DUOX2: variants seen among roughly 807,000 people sequenced by gnomAD.
DUOX2 encodes the protein NADH/NADPH thyroid oxidase p138-tox.
A neutral mutation model predicts 183.3 loss-of-function variants in DUOX2; 185 were observed. That is an observed-to-expected ratio of 1.01 (90% CI 0.90 to 1.14). The LOEUF is 1.14. DUOX2 is among the 50% of genes most tolerant of loss of function. The pLI, the probability that DUOX2 is intolerant of heterozygous loss-of-function variation, is 0.00. For missense variants in DUOX2, 1,999 were observed against 2,022.9 expected (o/e 0.99, Z 0.23); for synonymous variants, 788 against 812.4 (o/e 0.97, Z 0.51).
chr15:45,106,746 T>C, intron 15 of DUOX2, 86 bp downstream of exon 15: 1 of 1,606,958 alleles, frequency 6.2e-7, no homozygotes, highest in Non-Finnish European at 8.5e-7. Flanking sequence ...GAGCCTGGTC[T>C]CAAACGGTAC....
chr15:45,097,092 AC>A, intron 29 of DUOX2, 145 bp downstream of exon 29: 3 of 1,214,200 alleles, frequency 2.5e-6, no homozygotes, highest in Non-Finnish European at 3.5e-6. Flanking sequence ...ACCTTCAGGA[AC>A]CCCCGAGAGT....
chr15:45,112,540 C>T lies in DUOX2; in HGVS notation c.325+14G>A. 1.2e-6 allele frequency: 2 copies of T among 1,612,164 alleles called. No individual in the cohort carries two copies. The highest frequency in any genetic ancestry group is 1.7e-6 in the Non-Finnish European group (2 of 1,179,380). ...CGCCAGATCAACCCCACTGGTCTCC[C>T]CCTTTGCCCTCACCAAAGAAGACCC... On this transcript the variant is annotated intron_variant, in intron 4 of 33. Transcript: ENST00000389039.
intron 30 of DUOX2, 104 bp downstream of exon 30, chr15:45,095,724 G>T: frequency 6.5e-7 from 1 of 1,538,510 alleles, no homozygotes; most frequent in Non-Finnish European, 8.9e-7. Flanking sequence ...TCCTCTCCCA[G>T]GCTGGCTTTG....
rs1894231348 is a variant in DUOX2 at position 45,106,848 on chromosome 15, GA to G, written c.1814del (p.Leu605ProfsTer6). 3 of 1,593,678 alleles carry G rather than the reference GA, an allele frequency of 1.9e-6. No homozygotes were observed. The highest frequency in any genetic ancestry group is 1.3e-5 in the African/African-American group (1 of 74,856). On this transcript the variant is annotated frameshift_variant, in exon 15 of 34. Coordinates refer to ENST00000389039, the MANE Select transcript of DUOX2 (RefSeq NM_001363711.2). LOFTEE classifies it high-confidence loss of function. ...SPGFAITIIA[L>X]CCLPLVSLLL... Reference sequence around the variant, plus strand: ...AGAGCTCACCTAAGGGAAGGCAGCAGAGAGCAATGATGGTGATGGCAAAACC... The same window carrying G: ...AGAGCTCACCTAAGGGAAGGCAGCAGGAGCAATGATGGTGATGGCAAAACC...
Position 45,111,424 on chromosome 15 carries a change from G to A in DUOX2, c.675C>T (p.Pro225=), listed in dbSNP as rs1269447434. 2 of 1,508,146 alleles carry A rather than the reference G, an allele frequency of 1.3e-6. No homozygotes were observed. Among genetic ancestry groups the A allele is most frequent in the Admixed American group, 2.2e-5 (1 of 46,308 alleles). The allele number at this position is 1,508,146 out of a possible 1,614,324, so 93.4% of individuals were successfully genotyped here. ...GCCCGTTCTGCCCGGTGGCGGGGTC[G>A]GGCGCCGCCCACATGAGCAGGGGGT... ...SQNPLLMWAA[P]DPATGQNGPR... The change falls in exon 6 of 34, where the codon CCC becomes CCT. Residue 225 remains proline, a synonymous_variant. Transcript: ENST00000389039.
At chr15:45,109,375 A>T in intron 11 of DUOX2, 149 bp downstream of exon 11, 10 of 687,064 alleles carry the variant, frequency 1.5e-5, no homozygotes, top group Non-Finnish European at 2.5e-5. Context: ...AAAAGTTCAA[A>T]GTTCATTTTC....
rs1191456599 is a variant in DUOX2 at position 45,111,756 on chromosome 15, T to C, written c.513+12A>G. ...GGGGTGCGGTCCCTTCCCGCCGCCTTCCCCGCCTCACCAGGTCCCGGGGGT... is the reference window on the plus strand; with the variant it reads ...GGGGTGCGGTCCCTTCCCGCCGCCTCCCCCGCCTCACCAGGTCCCGGGGGT... On this transcript the variant is annotated intron_variant, in intron 5 of 33. Transcript: ENST00000389039. 6.4e-6 allele frequency: 10 copies of C among 1,571,248 alleles called. No individual in the cohort carries two copies. Among genetic ancestry groups the C allele is most frequent in the Non-Finnish European group, 8.6e-6 (10 of 1,159,026 alleles).
At chr15:45,105,950 G>T (rs376566402) in intron 17 of DUOX2, 122 bp from the exon 18 acceptor site, 43 of 1,443,852 alleles carry the variant, frequency 3.0e-5, no homozygotes, top group East Asian at 1.5e-4. Flanking sequence ...TCCAGGCTGG[G>T]GCCAGGTGTG....
rs747658110 is a variant in DUOX2, at chr15:45,106,203, C to T, written c.2070G>A (p.Leu690=). Residue 690 remains leucine, a synonymous_variant, in exon 17 of 34, where the codon CTG becomes CTA. Transcript: ENST00000389039. ...TGGACAGGATGAGGTTGACCTGCTGCAGAGGCTGCAGCTGGACCACACGGA... is the reference window on the plus strand; with the variant it reads ...TGGACAGGATGAGGTTGACCTGCTGTAGAGGCTGCAGCTGGACCACACGGA... ...TVLRVVQLQP[L]QQVNLILSNN... 2.5e-6 allele frequency: 4 copies of T among 1,614,062 alleles called. No individual in the cohort carries two copies. The African/African-American group carries it at 4.0e-5, about 16-fold the overall frequency.
intron 11 of DUOX2, 66 bp downstream of exon 11, chr15:45,109,458 T>C: frequency 6.9e-7 from 1 of 1,449,530 alleles, no homozygotes; most frequent in Non-Finnish European, 9.7e-7. Flanking sequence ...CTGCTATTGA[T>C]GAACCCAGAG....
chr15:45,099,736 AG>A lies in DUOX2; in HGVS notation c.3340del (p.Leu1114SerfsTer56), dbSNP rs748194265. 6 of 1,614,094 alleles carry A rather than the reference AG, an allele frequency of 3.7e-6. No individual in the cohort carries two copies. The East Asian group carries it at 1.3e-4, about 36-fold the overall frequency. Reference sequence around the variant, plus strand: ...GGCATCAAAAGGCACATAGCGGTTGAGGAAAGTCTCTCGCAGGAAGGTTATG... The same window carrying A: ...GGCATCAAAAGGCACATAGCGGTTGAGAAAGTCTCTCGCAGGAAGGTTATG... ...NLITFLRETFLNRYVPFDAAV... is the reference protein window; with the variant it reads ...NLITFLRETFXNRYVPFDAAV... On this transcript the variant is annotated frameshift_variant, in exon 25 of 34. Transcript: ENST00000389039. LOFTEE classifies it high-confidence loss of function.
rs1183170887 is a variant in DUOX2 at position 45,104,035 on chromosome 15, G to T, written c.2579C>A (p.Ser860Tyr). 1 of 1,614,156 alleles carries T rather than the reference G, an allele frequency of 6.2e-7. No homozygotes were observed. Among genetic ancestry groups the T allele is most frequent in the Admixed American group, 1.7e-5 (1 of 60,022 alleles). The change falls in exon 20 of 34, where the codon TCC becomes TAC. Residue 860 changes from serine (S) to tyrosine (Y), a missense_variant. By Grantham distance (144) the Ser-to-Tyr change is moderately radical. This residue lies in a region of DUOX2 where 1,628 missense variants were observed against 1,608.6 expected (regional missense o/e 1.01). Coordinates refer to ENST00000389039, the MANE Select transcript of DUOX2 (RefSeq NM_001363711.2). ...VFMKGSPEDK[S>Y]RLMFTMYDLD... is the part of the protein sequence containing the mutation. ...GTCATACATGGTAAACATTAGACGGGACTTATCCTCTGGGGAGCCTGGGAA... is the reference window on the plus strand; with the variant it reads ...GTCATACATGGTAAACATTAGACGGTACTTATCCTCTGGGGAGCCTGGGAA...
chr15:45,099,249 A>T lies in DUOX2; in HGVS notation c.3515+134T>A, dbSNP rs565442451. ...ATGGTCTCGATCTCCTGACCTCGTGATCCGCCCACCTCGGCCTCCCAAAGT... is the reference window on the plus strand; with the variant it reads ...ATGGTCTCGATCTCCTGACCTCGTGTTCCGCCCACCTCGGCCTCCCAAAGT... On this transcript the variant is annotated intron_variant, in intron 26 of 33. Coordinates refer to ENST00000389039, the MANE Select transcript of DUOX2 (RefSeq NM_001363711.2). 822 of 698,472 alleles carry T rather than the reference A, an allele frequency of 1.2e-3. 5 individuals carry two copies. In the African/African-American group the frequency reaches 0.014, roughly 12 times the overall value. 43.3% of individuals were successfully genotyped at this position (698,472 alleles called of 1,614,324 possible).
In DUOX2 at chr15:45,110,487, T is replaced by C. The variant is rs559264063; in HGVS notation, c.981A>G (p.Glu327=). The part of the protein sequence containing the change: ...RPFLDPSISP[E]FVVASEQFFS... The stretch of plus-strand genomic sequence containing the variant: ...AGAACTGCTCAGAGGCCACCACAAA[T>C]TCCGGGGAGATGCTGGGGTCTAGGA... Residue 327 remains glutamate, a synonymous_variant, in exon 9 of 34, where the codon GAA becomes GAG. Coordinates refer to ENST00000389039, the MANE Select transcript of DUOX2 (RefSeq NM_001363711.2). The C allele has an allele frequency of 9.3e-6, 15 of 1,614,114 alleles. No homozygotes were observed. The African/African-American group carries it at 2.0e-4, about 22-fold the overall frequency.
rs746015710 is a variant in DUOX2, at chr15:45,095,535, C to T, written c.4141G>A (p.Val1381Met). 1.4e-5 allele frequency: 22 copies of T among 1,614,126 alleles called. No homozygotes were observed. In the Admixed American group the frequency reaches 3.7e-4, roughly 27 times the overall value. Residue 1381 changes from valine (V) to methionine (M), a missense_variant, in exon 31 of 34, where the codon GTG (valine) becomes ATG (methionine). By Grantham distance (21) the Val-to-Met change is conservative. Transcript: ENST00000389039. Reference sequence around the variant, plus strand: ...ACCCCAATGCCCCCTCCCACCAACACTGACACCTCAAATTTATGCCACTCC... The same window carrying T: ...ACCCCAATGCCCCCTCCCACCAACATTGACACCTCAAATTTATGCCACTCC... ...HQEWHKFEVS[V>M]LVGGGIGVTP...
In DUOX2 at chr15:45,093,954, T is replaced by C. The variant is rs1893825057; in HGVS notation, c.*196A>G. ...TTATAATCATCATGCACTGCAATTG[T>C]AGAACATAGTCTCCTGCCTTTTCTC... On this transcript the variant is annotated 3_prime_UTR_variant, in exon 34 of 34. Transcript: ENST00000389039. 1.4e-6 allele frequency: 1 copy of C among 689,818 alleles called. No homozygotes were observed. The highest frequency in any genetic ancestry group is 2.5e-6 in the Non-Finnish European group (1 of 407,426). The allele number at this position is 689,818 out of a possible 1,614,324, so 42.7% of individuals were successfully genotyped here.
chr15:45,102,914 G>A (rs1402992328), intron 20 of DUOX2, among the ~76,000 whole-genome samples: 1 of 152,204 alleles, frequency 6.6e-6, no homozygotes, highest in East Asian at 1.9e-4. Context: ...CCTGGGCAGT[G>A]GAGGTTGCAG....
In DUOX2 at chr15:45,104,201, C is replaced by A; in HGVS notation, c.2499G>T (p.Lys833Asn). The A allele has an allele frequency of 6.2e-7, 1 of 1,614,196 alleles. No individual in the cohort carries two copies. Among genetic ancestry groups the A allele is most frequent in the Non-Finnish European group, 8.5e-7 (1 of 1,180,038 alleles). The change falls in exon 19 of 34, where the codon AAG becomes AAT. Residue 833 changes from lysine to asparagine, a missense_variant. This residue lies in a region of DUOX2 where 1,628 missense variants were observed against 1,608.6 expected (regional missense o/e 1.01). Transcript: ENST00000389039. The part of the protein sequence containing the change: ...FVESMFSLAD[K>N]DGNGYLSFRE... Reference sequence around the variant, plus strand: ...GGAAGGACAGGTAGCCATTGCCATCCTTGTCAGCCAGAGAGAACATGGACT... The same window carrying A: ...GGAAGGACAGGTAGCCATTGCCATCATTGTCAGCCAGAGAGAACATGGACT...
intron 14 of DUOX2, 67 bp downstream of exon 14, chr15:45,107,278 C>T: frequency 1.3e-6 from 2 of 1,590,048 alleles, no homozygotes; most frequent in Non-Finnish European, 1.7e-6. Flanking sequence ...AAGTGATTCC[C>T]CCGCACCCTC....
Sources: allele counts gnomAD v4.1 joint callset (sites outside exome capture counted in the v4.1 genomes callset), GRCh38; gene constraint gnomAD v4.1.1; regional missense constraint gnomAD v4.1.1; transcripts MANE v1.5; gene names NCBI Gene and HGNC (gene_info 2026-07-23, HGNC 2026-07-21).